ZNF267: variants seen among roughly 807,000 people sequenced by gnomAD.
ZNF267 encodes the protein zinc finger (C2H2).
Under a neutral mutation model 71.6 loss-of-function variants are expected in ZNF267, and 61 were observed. That is an observed-to-expected ratio of 0.85 (90% CI 0.69 to 1.05). The LOEUF (loss-of-function observed/expected upper bound fraction) is 1.05, where lower values mean the gene tolerates loss of function less well. Among genes scored for constraint, ZNF267 ranks in the 50% least tolerant of loss-of-function variants. The probability of loss-of-function intolerance (pLI) is 0.00; values close to 1 mark genes in which losing one functional copy is unlikely to be tolerated. For synonymous variants in ZNF267, 288 were observed against 293.2 expected (o/e 0.98, Z 0.18); for missense variants, 852 against 870.0 (o/e 0.98, Z 0.26).
At chr16:31,878,115 AC>A (rs934740544) in intron 1 of ZNF267, among the ~76,000 whole-genome samples, 25 of 152,162 alleles carry the variant, frequency 1.6e-4, no homozygotes, top group African/African-American at 6.0e-4. Flanking sequence ...AGTTTTTGGC[AC>A]CCAGTTGATG....
chr16:31,915,236 T>C lies in ZNF267; in HGVS notation c.987T>C (p.Asp329=). Residue 329 remains aspartate, a synonymous_variant, in exon 4 of 4, where the codon GAT becomes GAC. Transcript: ENST00000300870. ...EKPYKCEKCG[D]SLNHSLHLTQ... ...CATACAAATGTGAAAAATGTGGGGA[T>C]AGCTTAAACCATAGTTTGCACCTTA... The C allele has an allele frequency of 6.2e-7, 1 of 1,613,936 alleles. No homozygotes were observed. Among genetic ancestry groups the C allele is most frequent in the Non-Finnish European group, 8.5e-7 (1 of 1,179,930 alleles).
At chr16:31,912,899 CTGAATT>C (rs2084145828) in intron 3 of ZNF267, 1 of 148,152 alleles carries the variant, frequency 6.7e-6, no homozygotes, top group African/African-American at 2.7e-5. Flanking sequence ...CTGATAGAAT[CTGAATT>C]CCTTCTCTAT....
At chr16:31,896,787 A>AT (rs201369357) in intron 3 of ZNF267, among the ~76,000 whole-genome samples, 2,139 of 151,414 alleles carry the variant, frequency 0.014, 59 homozygotes, top group African/African-American at 0.048. Flanking sequence ...TAAATTTAGA[A>AT]TTTTTTTTTC....
chr16:31,899,458 G>T (rs890544751), intron 3 of ZNF267, among the ~76,000 whole-genome samples: 6 of 152,158 alleles, frequency 3.9e-5, no homozygotes, highest in Non-Finnish European at 8.8e-5. Flanking sequence ...AATGAAGGCA[G>T]AAATAAAGAT....
chr16:31,906,484 C>A (rs1208417911), intron 3 of ZNF267, among the ~76,000 whole-genome samples: 2 of 152,194 alleles, frequency 1.3e-5, no homozygotes, highest in Non-Finnish European at 2.9e-5. Context: ...TGGTGGGCAC[C>A]CTTCCCCCAG....
chr16:31,890,814 T>A (rs533566595), intron 3 of ZNF267, among the ~76,000 whole-genome samples: 1 of 152,260 alleles, frequency 6.6e-6, no homozygotes, highest in East Asian at 1.9e-4. Context: ...GAGGGCAGAG[T>A]CCCAATGGCC....
chr16:31,884,717 G>A, intron 2 of ZNF267, 93 bp downstream of exon 2: 1 of 1,309,104 alleles, frequency 7.6e-7, no homozygotes, highest in Non-Finnish European at 1.0e-6. Context: ...GTATGAGTTA[G>A]TTTTAGATTC....
chr16:31,888,111 T>A (rs553972452), intron 3 of ZNF267, among the ~76,000 whole-genome samples: 16 of 152,130 alleles, frequency 1.1e-4, no homozygotes, highest in Admixed American at 2.0e-4. Context: ...TTATAAAATT[T>A]AAAAAAAATT....
intron 3 of ZNF267, among the ~76,000 whole-genome samples, chr16:31,900,035 T>TTATA (rs200466632): frequency 6.6e-6 from 1 of 151,152 alleles, no homozygotes; most frequent in East Asian, 1.9e-4. Flanking sequence ...ATGTGTTTAT[T>TTATA]TATATATATA....
chr16:31,902,840 G>C (rs1224457225), intron 3 of ZNF267, among the ~76,000 whole-genome samples: 4 of 152,084 alleles, frequency 2.6e-5, no homozygotes, highest in African/African-American at 9.7e-5. Context: ...TTGAATAGGA[G>C]TGGTGAGAGA....
intron 3 of ZNF267, among the ~76,000 whole-genome samples, chr16:31,895,514 C>T (rs72793034): frequency 0.013 from 1,940 of 152,226 alleles, 21 homozygotes; most frequent in Non-Finnish European, 0.021. Flanking sequence ...TATGGTACCT[C>T]TATGTTTGAT....
intron 3 of ZNF267, among the ~76,000 whole-genome samples, chr16:31,888,889 C>CTT (rs887317787): frequency 3.3e-5 from 5 of 151,462 alleles, no homozygotes; most frequent in Non-Finnish European, 7.4e-5. Flanking sequence ...GTTGACATTG[C>CTT]TTTTTTAAAT....
intron 3 of ZNF267, among the ~76,000 whole-genome samples, chr16:31,901,841 T>C (rs1283536933): frequency 6.6e-6 from 1 of 152,240 alleles, no homozygotes. Flanking sequence ...GCCATTGCTT[T>C]TGGTGTTTTA....
intron 3 of ZNF267, among the ~76,000 whole-genome samples, chr16:31,898,612 T>A (rs1189579561): frequency 6.6e-6 from 1 of 152,106 alleles, no homozygotes; most frequent in East Asian, 1.9e-4. Flanking sequence ...ACTATAGGTA[T>A]TTTTGTGGTT....
chr16:31,899,143 G>C (rs1189085444), intron 3 of ZNF267, among the ~76,000 whole-genome samples: 1 of 152,118 alleles, frequency 6.6e-6, no homozygotes, highest in Non-Finnish European at 1.5e-5. Context: ...AATTAACAAG[G>C]ATATCTAGGA....
In ZNF267 at chr16:31,904,564, C is replaced by A. The variant is rs981058499; in HGVS notation, c.227-9912C>A. Among the ~76,000 whole-genome samples, 7 of 152,170 alleles carry A rather than the reference C, an allele frequency of 4.6e-5. 1 individual carries two copies. Among genetic ancestry groups the A allele is most frequent in the Admixed American group, 3.3e-4 (5 of 15,274 alleles). On this transcript the variant is annotated intron_variant, in intron 3 of 3. Coordinates refer to ENST00000300870, the MANE Select transcript of ZNF267 (RefSeq NM_003414.6). ...AATGGCCTTCTTTCTCTCTTTGGAT[C>A]TTTGTTGGTTTAAAATCTGTTTTAT...
chr16:31,892,490 A>C (rs2083967154), intron 3 of ZNF267, among the ~76,000 whole-genome samples: 1 of 152,128 alleles, frequency 6.6e-6, no homozygotes, highest in South Asian at 2.1e-4. Context: ...TAGTCCCCCA[A>C]AGTCCTAACT....
At chr16:31,910,647 C>A (rs1240609990) in intron 3 of ZNF267, among the ~76,000 whole-genome samples, 1 of 151,212 alleles carries the variant, frequency 6.6e-6, no homozygotes, top group African/African-American at 2.4e-5. Context: ...CTTAGTCAAG[C>A]TAAAGGTTTG....
chr16:31,898,718 C>T (rs1407280649), intron 3 of ZNF267, among the ~76,000 whole-genome samples: 1 of 151,942 alleles, frequency 6.6e-6, no homozygotes, highest in Non-Finnish European at 1.5e-5. Context: ...CTCTATGTCC[C>T]CTTATTGTAT....
Sources: allele counts gnomAD v4.1 joint callset (sites outside exome capture counted in the v4.1 genomes callset), GRCh38; gene constraint gnomAD v4.1.1; transcripts MANE v1.5; gene names NCBI Gene and HGNC (gene_info 2026-07-23, HGNC 2026-07-21).